The following GFPT2 variants were observed in gnomAD, a reference collection of about 807,000 sequenced individuals.
The protein encoded by GFPT2 is glutamine--fructose-6-phosphate transaminase 2.
A neutral mutation model predicts 85.6 loss-of-function variants in GFPT2; 62 were observed. The ratio of observed to expected loss-of-function variants is 0.72; its 90% CI spans 0.59 to 0.90. The LOEUF (loss-of-function observed/expected upper bound fraction) is 0.90. GFPT2 is among the 40% of genes least tolerant of loss of function. The pLI is 0.00. For missense variants in GFPT2, 788 were observed against 893.4 expected, an observed-to-expected ratio of 0.88 and a Z score of 1.50; for synonymous variants, 368 against 344.5, an observed-to-expected ratio of 1.07 and a Z score of -0.75.
Position 180,331,438 on chromosome 5 carries a change from G to A in GFPT2, c.399+57C>T, listed in dbSNP as rs868255024. The A allele has an allele frequency of 3.5e-5, 36 of 1,029,964 alleles. No homozygotes were observed. In the Middle Eastern group the frequency reaches 5.5e-3, roughly 157 times the overall value. The allele number at this position is 1,029,964 out of a possible 1,614,324, so 63.8% of individuals were successfully genotyped here. A position where few individuals can be genotyped will look rare whatever the true frequency, so the allele number is the denominator to read the frequency against. Reference sequence around the variant, plus strand: ...CGCAAGGAAATGAGCTGGCTGGAAAGTTTCTGGGGAGACCAATCCCACCGG... The same window carrying A: ...CGCAAGGAAATGAGCTGGCTGGAAAATTTCTGGGGAGACCAATCCCACCGG... On this transcript the variant is annotated intron_variant, in intron 5 of 18. Coordinates refer to ENST00000253778, the MANE Select transcript of GFPT2 (RefSeq NM_005110.4).
At chr5:180,304,980 G>A (rs1763747563) in intron 16 of GFPT2, 41 bp from the exon 17 acceptor site, 2 of 1,446,506 alleles carry the variant, frequency 1.4e-6, no homozygotes, top group African/African-American at 2.8e-5. Context: ...CTGGGCAGAT[G>A]GGGCTGGAGC....
chr5:180,347,458 G>A (rs34330028), intron 1 of GFPT2, among the ~76,000 whole-genome samples: 4 of 152,122 alleles, frequency 2.6e-5, no homozygotes, highest in East Asian at 1.9e-4. Flanking sequence ...AAAATGAACC[G>A]GGAAAGGTCC....
rs745427165 is a variant in GFPT2 at position 180,336,469 on chromosome 5, C to G, written c.214+10G>C. 2.0e-6 allele frequency: 3 copies of G among 1,485,090 alleles called. No individual in the cohort carries two copies. Among genetic ancestry groups the G allele is most frequent in the Non-Finnish European group, 2.8e-6 (3 of 1,062,020 alleles). The allele number at this position is 1,485,090 out of a possible 1,614,324, so 92.0% of individuals were successfully genotyped here. ...CAGCGGCTCCTCCCACTCAGAGGTC[C>G]TCCACTTACTGTAAAGTTCTTCATC... On this transcript the variant is annotated intron_variant, in intron 3 of 18. Coordinates refer to ENST00000253778, the MANE Select transcript of GFPT2 (RefSeq NM_005110.4).
chr5:180,332,615 A>G (rs1452406107), intron 4 of GFPT2, among the ~76,000 whole-genome samples: 1 of 152,058 alleles, frequency 6.6e-6, no homozygotes, highest in Non-Finnish European at 1.5e-5. Flanking sequence ...TTGGCTCACC[A>G]CGACTGCTGC....
Position 180,301,527 on chromosome 5 carries a change from G to T in GFPT2, c.*37C>A. 3 of 1,558,626 alleles carry T rather than the reference G, an allele frequency of 1.9e-6. No homozygotes were observed. The highest frequency in any genetic ancestry group is 2.7e-6 in the Non-Finnish European group (3 of 1,129,220). ...TGCTGTTGGGACAGGTCTGGAATCA[G>T]ATGAAAGGTGGTGATGGTCTTGTCA... On this transcript the variant is annotated 3_prime_UTR_variant, in exon 19 of 19. Coordinates refer to ENST00000253778, the MANE Select transcript of GFPT2 (RefSeq NM_005110.4).
At chr5:180,313,734 G>C (rs530303355) in intron 14 of GFPT2, 73 bp downstream of exon 14, 2 of 1,364,312 alleles carry the variant, frequency 1.5e-6, no homozygotes, top group Admixed American at 2.1e-5. Flanking sequence ...AGAGCAGGCC[G>C]GAGGAGGGCG....
At position 180,301,587 on chromosome 5, in the gene GFPT2, C is replaced by T. The variant is rs537515231; in HGVS notation, c.2026G>A (p.Ala676Thr). The stretch of plus-strand genomic sequence containing the variant: ...CCTCATTCCACAGTTACAGACTTGG[C>T]CAGATTTCTGGGGAAGTCAACCTAA... ...GYDVDFPRNL[A>T]KSVTVE The change falls in exon 19 of 19, where the codon GCC becomes ACC. Residue 676 changes from alanine to threonine, a missense_variant. Physicochemically the swap from Ala to Thr is moderately conservative, Grantham distance 58 (BLOSUM62 0). Transcript: ENST00000253778. 6.2e-7 allele frequency: 1 copy of T among 1,613,650 alleles called. No homozygotes were observed. The highest frequency in any genetic ancestry group is 2.2e-5 in the East Asian group (1 of 44,880).
intron 9 of GFPT2, among the ~76,000 whole-genome samples, chr5:180,319,397 A>G (rs560798648): frequency 5.8e-4 from 88 of 152,326 alleles, no homozygotes; most frequent in Admixed American, 1.4e-3. Context: ...GAACCAACAC[A>G]TTATTCTGAA....
chr5:180,301,662 A>T lies in GFPT2; in HGVS notation c.2005-54T>A, dbSNP rs1020702660. On this transcript the variant is annotated intron_variant, in intron 18 of 18. Transcript: ENST00000253778. ...ACCCCAAAGATCTCAGCAACATGCT[A>T]CCTCTCACAGACAATTTTCAGAGTA... 3 of 1,401,088 alleles carry T rather than the reference A, an allele frequency of 2.1e-6. No individual in the cohort carries two copies. The African/African-American group carries it at 4.2e-5, about 20-fold the overall frequency. 86.8% of individuals were successfully genotyped at this position (1,401,088 alleles called of 1,614,324 possible). A position where few individuals can be genotyped will look rare whatever the true frequency, so the allele number is the denominator to read the frequency against.
At chr5:180,352,918 C>A (rs958300103) in intron 1 of GFPT2, 28 of 440,770 alleles carry the variant, frequency 6.4e-5, no homozygotes, top group African/African-American at 2.1e-4. Flanking sequence ...CAGGCCGGAC[C>A]GGACCAGGTC....
chr5:180,333,485 C>T (rs1402124194), intron 4 of GFPT2, among the ~76,000 whole-genome samples: 1 of 152,126 alleles, frequency 6.6e-6, no homozygotes, highest in Non-Finnish European at 1.5e-5. Flanking sequence ...CCGCCCGCCT[C>T]GGCCTCCCAA....
intron 1 of GFPT2, among the ~76,000 whole-genome samples, chr5:180,342,360 G>C (rs1012187592): frequency 6.7e-6 from 1 of 149,202 alleles, no homozygotes; most frequent in African/African-American, 2.5e-5. Flanking sequence ...CAGTGGTTTA[G>C]TATATTCAGA....
intron 18 of GFPT2, among the ~76,000 whole-genome samples, chr5:180,301,926 T>C (rs1013694475): frequency 4.5e-5 from 5 of 111,522 alleles, no homozygotes; most frequent in Non-Finnish European, 1.0e-4. Context: ...CTTGCAAGAA[T>C]ATATATGAAT....
Position 180,301,376 on chromosome 5 carries a change from G to C in GFPT2, c.*188C>G. The C allele has an allele frequency of 1.6e-6, 1 of 624,886 alleles. No homozygotes were observed. Among genetic ancestry groups the C allele is most frequent in the Non-Finnish European group, 2.9e-6 (1 of 345,404 alleles). The allele number at this position is 624,886 out of a possible 1,614,324, so 38.7% of individuals were successfully genotyped here. A position where few individuals can be genotyped will look rare whatever the true frequency, so the allele number is the denominator to read the frequency against. On this transcript the variant is annotated 3_prime_UTR_variant, in exon 19 of 19. Coordinates refer to ENST00000253778, the MANE Select transcript of GFPT2 (RefSeq NM_005110.4). ...ATTCCCTTCTCCTCTGGCGACTTCA[G>C]GACACAGAGAAACAGTATCTGCTGT...
chr5:180,352,867 C>T lies in GFPT2; in HGVS notation c.7+344G>A, dbSNP rs1437130070. On this transcript the variant is annotated intron_variant, in intron 1 of 18. Transcript: ENST00000253778. ...GACTGGGAGACGTGGAGGAGAGCGA[C>T]CTCGGTCGGCATGGGGTGGGGACCC... is the stretch of plus-strand genomic sequence containing the variant. 2.9e-4 allele frequency: 120 copies of T among 415,910 alleles called. 2 individuals carry two copies. In the East Asian group the frequency reaches 6.4e-3, roughly 22 times the overall value. 25.8% of individuals were successfully genotyped at this position (415,910 alleles called of 1,614,324 possible).
chr5:180,323,194 A>G lies in GFPT2; in HGVS notation c.794+994T>C, dbSNP rs1389129159. The stretch of plus-strand genomic sequence containing the variant: ...CAAAATCTACAATTCTCCGTGTTTT[A>G]GAATCACTGAAATAATACCAGCGTC... On this transcript the variant is annotated intron_variant, in intron 9 of 18. Transcript: ENST00000253778. The surrounding 1 kb of genome is among the most constrained non-coding windows in gnomAD (Gnocchi z 4.0). Among the ~76,000 whole-genome samples, 1 of 152,228 alleles carries G rather than the reference A, an allele frequency of 6.6e-6. No homozygotes were observed. Among genetic ancestry groups the G allele is most frequent in the East Asian group, 1.9e-4 (1 of 5,204 alleles).
In GFPT2 at chr5:180,323,515, G is replaced by A. The variant is rs1475243740; in HGVS notation, c.794+673C>T. 3.3e-4 allele frequency among the ~76,000 whole-genome samples: 50 copies of A among 152,104 alleles called. No individual in the cohort carries two copies. The highest frequency in any genetic ancestry group is 3.2e-3 in the Admixed American group (49 of 15,268). On this transcript the variant is annotated intron_variant, in intron 9 of 18. Transcript: ENST00000253778. The surrounding 1 kb of genome is among the most constrained non-coding windows in gnomAD (Gnocchi z 4.0). ...GTTTTCTACTTCAAATGGCAGGAAA[G>A]TGCTCTGGTTCTCTCTCTCCCTCTC...
intron 10 of GFPT2, among the ~76,000 whole-genome samples, chr5:180,317,995 G>T (rs1053947587): frequency 6.6e-6 from 1 of 152,026 alleles, no homozygotes; most frequent in African/African-American, 2.4e-5. Flanking sequence ...CTTGTGCGAC[G>T]AGCAAATGAA....
chr5:180,313,879 GC>G lies in GFPT2; in HGVS notation c.1358del (p.Ser453ThrfsTer35). 1 of 1,606,270 alleles carries G rather than the reference GC, an allele frequency of 6.2e-7. No individual in the cohort carries two copies. The highest frequency in any genetic ancestry group is 1.3e-5 in the African/African-American group (1 of 74,986). On this transcript the variant is annotated frameshift_variant, in exon 14 of 19. Transcript: ENST00000253778. LOFTEE classifies it high-confidence loss of function. ...LTVGVTNTVG[S>X]SISRETDCGV... ...CGCAGTCGGTCTCGCGAGAGATGGA[GC>G]TGCCCACGGTGTTGGTGACGCCCAC...
Sources: allele counts gnomAD v4.1 joint callset (sites outside exome capture counted in the v4.1 genomes callset), GRCh38; gene constraint gnomAD v4.1.1; non-coding constraint Gnocchi (gnomAD v3.1); transcripts MANE v1.5; gene names NCBI Gene and HGNC (gene_info 2026-07-23, HGNC 2026-07-21).